ST6GALNAC5: variants seen among roughly 807,000 people sequenced by gnomAD.
ST6GALNAC5 encodes ST6 N-acetylgalactosaminide alpha-2,6-sialyltransferase 5.
A neutral mutation model predicts 33.6 loss-of-function variants in ST6GALNAC5; 27 were observed. The ratio of observed to expected loss-of-function variants is 0.80; its 90% CI spans 0.59 to 1.11. ST6GALNAC5 has a LOEUF of 1.11. ST6GALNAC5 is among the 50% of genes least tolerant of loss of function. The pLI, the probability that ST6GALNAC5 is intolerant of heterozygous loss-of-function variation, is 0.00. For synonymous variants in ST6GALNAC5, 194 were observed against 171.2 expected (o/e 1.13, Z -1.04); for missense variants, 428 against 454.0 (o/e 0.94, Z 0.52).
intron 2 of ST6GALNAC5, among the ~76,000 whole-genome samples, chr1:76,902,220 A>G (rs976544371): frequency 6.6e-6 from 1 of 152,184 alleles, no homozygotes; most frequent in South Asian, 2.1e-4. Context: ...ATATTTTTAT[A>G]TACTTGAAAT....
At chr1:77,049,771 T>G (rs1652159318) in intron 3 of ST6GALNAC5, among the ~76,000 whole-genome samples, 1 of 152,144 alleles carries the variant, frequency 6.6e-6, no homozygotes, top group Non-Finnish European at 1.5e-5. Flanking sequence ...AAGGCAAGCT[T>G]TCACCCTAAG....
intron 2 of ST6GALNAC5, among the ~76,000 whole-genome samples, chr1:77,030,597 A>C (rs538086890): frequency 1.3e-5 from 2 of 152,316 alleles, no homozygotes; most frequent in East Asian, 3.9e-4. Flanking sequence ...TACTCGAGAC[A>C]TCTCTATGGA....
intron 2 of ST6GALNAC5, among the ~76,000 whole-genome samples, chr1:76,962,627 T>C (rs149217446): frequency 2.1e-4 from 32 of 152,338 alleles, no homozygotes; most frequent in African/African-American, 7.2e-4. Context: ...AACACTTGAA[T>C]CTGTGAATGA....
chr1:76,962,494 A>C (rs892128793), intron 2 of ST6GALNAC5, among the ~76,000 whole-genome samples: 1 of 152,202 alleles, frequency 6.6e-6, no homozygotes. Flanking sequence ...TATTTACACA[A>C]TGCAGATCCT....
chr1:76,965,619 C>T (rs1197450297), intron 2 of ST6GALNAC5, among the ~76,000 whole-genome samples: 2 of 152,076 alleles, frequency 1.3e-5, no homozygotes, highest in East Asian at 1.9e-4. Flanking sequence ...TAATTAGATC[C>T]CATTTATCCA....
intron 2 of ST6GALNAC5, among the ~76,000 whole-genome samples, chr1:76,971,274 G>A (rs988592312): frequency 2.8e-4 from 42 of 152,156 alleles, no homozygotes; most frequent in Non-Finnish European, 1.2e-4. Flanking sequence ...TAAGGGGAAT[G>A]CGTGGGCAAT....
At chr1:76,942,332 T>A (rs571261155) in intron 2 of ST6GALNAC5, among the ~76,000 whole-genome samples, 1 of 152,278 alleles carries the variant, frequency 6.6e-6, no homozygotes, top group East Asian at 1.9e-4. Flanking sequence ...TCTTTTACCA[T>A]TCATTCTCAC....
intron 2 of ST6GALNAC5, among the ~76,000 whole-genome samples, chr1:77,042,705 C>T (rs1651872326): frequency 6.6e-6 from 1 of 152,172 alleles, no homozygotes; most frequent in African/African-American, 2.4e-5. Context: ...CAATCCTATG[C>T]TAAAGGTTCA....
chr1:76,867,504 T>C lies in ST6GALNAC5; in HGVS notation c.-172T>C, dbSNP rs190680760. The C allele has an allele frequency of 5.0e-3, 4,751 of 958,690 alleles. 27 individuals are homozygous for C. The highest frequency in any genetic ancestry group is 7.1e-3 in the Non-Finnish European group (4,212 of 595,232). 59.4% of individuals were successfully genotyped at this position (958,690 alleles called of 1,614,324 possible). On this transcript the variant is annotated 5_prime_UTR_variant, in exon 1 of 5. Transcript: ENST00000477717. The stretch of plus-strand genomic sequence containing the variant: ...CAGTTTTAATTCTGTCTCTAATCTC[T>C]GCAACAGCCGCGCTTCCCGGGTCCC...
intron 4 of ST6GALNAC5, among the ~76,000 whole-genome samples, chr1:77,059,647 A>G (rs1228403531): frequency 1.3e-5 from 2 of 152,184 alleles, no homozygotes; most frequent in Non-Finnish European, 2.9e-5. Context: ...TTAATAAATA[A>G]CTTGGGAGAG....
chr1:76,985,049 C>A (rs192656748), intron 2 of ST6GALNAC5, among the ~76,000 whole-genome samples: 2 of 152,184 alleles, frequency 1.3e-5, no homozygotes, highest in East Asian at 1.9e-4. Flanking sequence ...CAAACCCACA[C>A]CCAATATCAT....
At chr1:76,980,417 G>C (rs1557746344) in intron 2 of ST6GALNAC5, among the ~76,000 whole-genome samples, 2 of 152,154 alleles carry the variant, frequency 1.3e-5, no homozygotes, top group Admixed American at 1.3e-4. Flanking sequence ...TTGAGGCCTA[G>C]TGGGTGGTTA....
At chr1:76,870,219 A>G (rs955559891) in intron 2 of ST6GALNAC5, among the ~76,000 whole-genome samples, 1 of 152,212 alleles carries the variant, frequency 6.6e-6, no homozygotes, top group African/African-American at 2.4e-5. Flanking sequence ...ATGTGCAAGC[A>G]ACCGATAAGG....
intron 2 of ST6GALNAC5, among the ~76,000 whole-genome samples, chr1:76,874,753 C>T (rs963824232): frequency 5.3e-5 from 8 of 152,154 alleles, no homozygotes; most frequent in African/African-American, 1.4e-4. Flanking sequence ...GCAACACCCA[C>T]GAAGACACAC....
At chr1:77,053,112 T>C (rs1237709699) in intron 4 of ST6GALNAC5, among the ~76,000 whole-genome samples, 1 of 152,132 alleles carries the variant, frequency 6.6e-6, no homozygotes, top group Admixed American at 6.5e-5. Flanking sequence ...AAACAGTACC[T>C]TCCTCACCAC....
chr1:76,921,767 T>A (rs1647036713), intron 2 of ST6GALNAC5, among the ~76,000 whole-genome samples: 2 of 152,144 alleles, frequency 1.3e-5, no homozygotes. Context: ...AACATGAGTA[T>A]CTCAACTGAC....
chr1:76,973,224 C>G (rs188842044), intron 2 of ST6GALNAC5, among the ~76,000 whole-genome samples: 19 of 151,484 alleles, frequency 1.3e-4, no homozygotes, highest in African/African-American at 4.1e-4. Flanking sequence ...ACAAACAGAA[C>G]CAATAAGATA....
rs1652663406 is a variant in ST6GALNAC5 at position 77,063,417 on chromosome 1, CCCCTTCAATGGTGTTA to C, written c.*214_*229del. 1.8e-6 allele frequency: 1 copy of C among 570,960 alleles called. No homozygotes were observed. 35.4% of individuals were successfully genotyped at this position (570,960 alleles called of 1,614,324 possible). A position where few individuals can be genotyped will look rare whatever the true frequency, so the allele number is the denominator to read the frequency against. ...ATTAATGCATCCTAATGAATGTTGT[CCCCTTCAATGGTGTTA>C]CCTTAGGAGCTGAACATTCAATTCA... On this transcript the variant is annotated 3_prime_UTR_variant, in exon 5 of 5. Transcript: ENST00000477717.
rs369190247 is a variant in ST6GALNAC5 at position 77,004,847 on chromosome 1, G to A, written c.262-39357G>A. Among the ~76,000 whole-genome samples, 22 of 133,262 alleles carry A rather than the reference G, an allele frequency of 1.7e-4. No homozygotes were observed. The East Asian group carries it at 1.9e-3, about 12-fold the overall frequency. 87.4% of individuals were successfully genotyped at this position (133,262 alleles called of 152,430 possible). A position where few individuals can be genotyped will look rare whatever the true frequency, so the allele number is the denominator to read the frequency against. On this transcript the variant is annotated intron_variant, in intron 2 of 4. Coordinates refer to ENST00000477717, the MANE Select transcript of ST6GALNAC5 (RefSeq NM_030965.3). ...ACCCACTTGAGGAGGCAGTCTGCCC[G>A]TTCTCAGATCTCCAGCTGCGTGCTG...
Sources: gnomAD v4.1 joint callset for allele counts (sites outside exome capture counted in the v4.1 genomes callset) on GRCh38, gnomAD v4.1.1 for gene constraint, MANE v1.5 for transcripts, NCBI Gene and HGNC (gene_info 2026-07-23, HGNC 2026-07-21) for gene names.